CCM2: variants seen among roughly 807,000 people sequenced by gnomAD.
CCM2 encodes CCM2 scaffold protein.
A neutral mutation model predicts 44.9 loss-of-function variants in CCM2; 25 were observed. That is an observed-to-expected ratio of 0.56 (90% confidence interval 0.41 to 0.78). CCM2 has a LOEUF of 0.78. Ranked by LOEUF, CCM2 falls within the 30% of genes least tolerant of loss-of-function variation. CCM2 has a pLI of 0.00. For missense variants in CCM2, 481 were observed against 580.6 expected (o/e 0.83, Z 1.76); for synonymous variants, 219 against 241.1 (o/e 0.91, Z 0.85).
rs187438724 is a variant in CCM2, at chr7:45,071,613, T to G, written c.746-1113T>G. 6.1e-4 allele frequency: 218 copies of G among 359,638 alleles called. 2 individuals are homozygous for G. Among genetic ancestry groups the G allele is most frequent in the African/African-American group, 4.6e-3 (213 of 46,808 alleles). 22.3% of individuals were successfully genotyped at this position (359,638 alleles called of 1,614,324 possible). The stretch of plus-strand genomic sequence containing the variant: ...CTATACGTTAAGAGTCCATTGTGGG[T>G]CCCACTGGGCTAAAGTTGAGGTGTC... On this transcript the variant is annotated intron_variant, in intron 6 of 9. Transcript: ENST00000258781.
chr7:45,051,383 G>GTATT (rs71565942), intron 2 of CCM2, among the ~76,000 whole-genome samples: 8,949 of 150,544 alleles, frequency 0.059, 355 homozygotes, highest in African/African-American at 0.12. Context: ...GGATGCTTGG[G>GTATT]TATTTATTTA....
rs371498958 is a variant in CCM2 at position 45,076,000 on chromosome 7, G to C, written c.1278G>C (p.Ser426=). The C allele has an allele frequency of 6.2e-7, 1 of 1,613,094 alleles. No homozygotes were observed. The highest frequency in any genetic ancestry group is 8.5e-7 in the Non-Finnish European group (1 of 1,180,024). Reference sequence around the variant, plus strand: ...GGGATGAGTGGGACCGCATGATCTCGGACATCAGCAGCGACATTGAGGCGC... The same window carrying C: ...GGGATGAGTGGGACCGCATGATCTCCGACATCAGCAGCGACATTGAGGCGC... ...SEGDEWDRMI[S]DISSDIEALG... is the part of the protein sequence containing the mutation. The change falls in exon 10 of 10, where the codon TCG becomes TCC. Residue 426 remains serine (S), a synonymous_variant. Coordinates refer to ENST00000258781, the MANE Select transcript of CCM2 (RefSeq NM_031443.4).
At chr7:45,010,303 C>G (rs1796017100) in intron 1 of CCM2, among the ~76,000 whole-genome samples, 1 of 152,134 alleles carries the variant, frequency 6.6e-6, no homozygotes, top group Non-Finnish European at 1.5e-5. Flanking sequence ...AAAATATTAC[C>G]TACCATCACT....
intron 2 of CCM2, among the ~76,000 whole-genome samples, chr7:45,061,373 T>C (rs531262711): frequency 9.2e-5 from 14 of 152,184 alleles, no homozygotes; most frequent in Middle Eastern, 6.8e-3. Context: ...GTGGTTAGGC[T>C]CTGGTAAAAT....
In CCM2 at chr7:45,034,605, G is replaced by A. The variant is rs1014961921; in HGVS notation, c.31-3648G>A. Among the ~76,000 whole-genome samples the A allele has an allele frequency of 4.0e-5, 5 of 124,742 alleles. 1 individual carries two copies. In the Admixed American group the frequency reaches 4.3e-4, roughly 11 times the overall value. 81.8% of individuals were successfully genotyped at this position (124,742 alleles called of 152,430 possible). ...ACAATCTCGGCTCACTGCAACCTCC[G>A]CTTCCCCGGTTCAAGCAATTCTCCT... On this transcript the variant is annotated intron_variant, in intron 1 of 9. Transcript: ENST00000258781.
At chr7:45,053,496 C>A (rs555351203) in intron 2 of CCM2, among the ~76,000 whole-genome samples, 2 of 152,342 alleles carry the variant, frequency 1.3e-5, no homozygotes, top group South Asian at 4.1e-4. Flanking sequence ...GAAACTCCAG[C>A]ATTCTGTGAG....
intron 2 of CCM2, among the ~76,000 whole-genome samples, chr7:45,048,794 A>G (rs1797872881): frequency 6.6e-6 from 1 of 152,032 alleles, no homozygotes; most frequent in South Asian, 2.1e-4. Flanking sequence ...AGTTTCCATC[A>G]CAAGCTGACA....
intron 1 of CCM2, among the ~76,000 whole-genome samples, chr7:45,025,798 C>T (rs1191147556): frequency 6.6e-6 from 1 of 152,206 alleles, no homozygotes; most frequent in African/African-American, 2.4e-5. Flanking sequence ...CCTTCCAAAA[C>T]GCTGGGATTA....
chr7:45,008,655 C>T (rs983971052), intron 1 of CCM2, among the ~76,000 whole-genome samples: 1 of 152,164 alleles, frequency 6.6e-6, no homozygotes, highest in Non-Finnish European at 1.5e-5. Flanking sequence ...AGCCACCGCA[C>T]CCGGCCAAGG....
chr7:45,009,473 C>T (rs1348707040), intron 1 of CCM2, among the ~76,000 whole-genome samples: 1 of 119,896 alleles, frequency 8.3e-6, no homozygotes, highest in African/African-American at 3.2e-5. Flanking sequence ...GGCGTGATTT[C>T]GGCTCATTGC....
intron 1 of CCM2, among the ~76,000 whole-genome samples, chr7:45,008,879 CA>C (rs1388465987): frequency 6.6e-6 from 1 of 152,178 alleles, no homozygotes; most frequent in Non-Finnish European, 1.5e-5. Context: ...CTTCTAATAT[CA>C]GGCTGAGTTC....
At chr7:45,028,004 A>G (rs1796768601) in intron 1 of CCM2, among the ~76,000 whole-genome samples, 2 of 152,092 alleles carry the variant, frequency 1.3e-5, no homozygotes. Context: ...AGGGGCGTGT[A>G]TGGAGAAGTG....
chr7:45,003,788 C>T (rs536112713), intron 1 of CCM2, among the ~76,000 whole-genome samples: 1 of 151,862 alleles, frequency 6.6e-6, no homozygotes, highest in Admixed American at 6.5e-5. Context: ...TCTCTGCTGC[C>T]TCTGGTCTTC....
At position 45,038,302 on chromosome 7, in the gene CCM2, G is replaced by T; in HGVS notation, c.80G>T (p.Ser27Ile). 1 of 1,614,210 alleles carries T rather than the reference G, an allele frequency of 6.2e-7. No homozygotes were observed. ...CGAGTATTCCTAAAAGGTGAAAAGAGTAGAGATAAGAAAGCCCATGAGAAG... is the reference window on the plus strand; with the variant it reads ...CGAGTATTCCTAAAAGGTGAAAAGATTAGAGATAAGAAAGCCCATGAGAAG... ...FKRVFLKGEK[S>I]RDKKAHEKVT... The change falls in exon 2 of 10, where the codon AGT (serine) becomes ATT (isoleucine). Residue 27 changes from serine (S) to isoleucine (I), a missense_variant. Coordinates refer to ENST00000258781, the MANE Select transcript of CCM2 (RefSeq NM_031443.4).
intron 1 of CCM2, among the ~76,000 whole-genome samples, chr7:45,026,200 C>T (rs1796683873): frequency 6.6e-6 from 1 of 152,148 alleles, no homozygotes; most frequent in South Asian, 2.1e-4. Flanking sequence ...TGGTTCTGCC[C>T]TGTATAGGCA....
At chr7:45,041,381 A>G (rs1019980925) in intron 2 of CCM2, among the ~76,000 whole-genome samples, 2 of 152,180 alleles carry the variant, frequency 1.3e-5, no homozygotes, top group South Asian at 2.1e-4. Flanking sequence ...TGGACACTAT[A>G]TGCAATAACG....
intron 1 of CCM2, among the ~76,000 whole-genome samples, chr7:45,009,314 A>AG (rs201076285): frequency 0.04 from 5,046 of 127,422 alleles, 283 homozygotes; most frequent in Admixed American, 0.09. Flanking sequence ...AAAAAAAAAA[A>AG]AAAAAAAATT....
intron 2 of CCM2, among the ~76,000 whole-genome samples, chr7:45,041,767 CAA>C (rs1797512686): frequency 6.6e-6 from 1 of 152,174 alleles, no homozygotes; most frequent in African/African-American, 2.4e-5. Flanking sequence ...TGGGCAGTAA[CAA>C]ACCCCTAAGG....
chr7:45,019,179 C>T lies in CCM2; in HGVS notation c.30+18816C>T, dbSNP rs181728830. Among the ~76,000 whole-genome samples, 10 of 149,526 alleles carry T rather than the reference C, an allele frequency of 6.7e-5. No homozygotes were observed. The Admixed American group carries it at 6.8e-4, about 10-fold the overall frequency. ...CTCCGCCTCCCGGGTTCAAGTGATT[C>T]TCCTGCCTCAGCCTCCTGAGTAGCC... On this transcript the variant is annotated intron_variant, in intron 1 of 9. Transcript: ENST00000258781.
Sources: allele counts gnomAD v4.1 joint callset (sites outside exome capture counted in the v4.1 genomes callset), GRCh38; gene constraint gnomAD v4.1.1; transcripts MANE v1.5; gene names NCBI Gene and HGNC (gene_info 2026-07-23, HGNC 2026-07-21).